Variants in CHRM3 observed in about 807,000 individuals in gnomAD.
The protein encoded by CHRM3 is muscarinic acetylcholine receptor M3.
A neutral mutation model predicts 41.8 loss-of-function variants in CHRM3; 11 were observed. The observed-to-expected ratio is 0.26, with a 90% confidence interval of 0.17 to 0.44. The LOEUF (loss-of-function observed/expected upper bound fraction) is 0.44. CHRM3 is among the 20% of genes least tolerant of loss of function. CHRM3 has a pLI of 1.00. For synonymous variants in CHRM3, 297 were observed against 301.4 expected (o/e 0.99, Z 0.15); for missense variants, 571 against 745.4 (o/e 0.77, Z 2.72).
chr1:239,512,983 T>C (rs536236725), intron 2 of CHRM3, among the ~76,000 whole-genome samples: 1 of 152,286 alleles, frequency 6.6e-6, no homozygotes, highest in South Asian at 2.1e-4. Flanking sequence ...TTGAGAGATA[T>C]ATGTTCTCAT....
chr1:239,457,742 G>T (rs1665060828), intron 1 of CHRM3, among the ~76,000 whole-genome samples: 1 of 152,196 alleles, frequency 6.6e-6, no homozygotes, highest in Admixed American at 6.6e-5. Flanking sequence ...TCAGAATCAA[G>T]AAGTGATACA....
rs182023973 is a variant in CHRM3, at chr1:239,785,707, G to C, written c.-146-41545G>C. Among the ~76,000 whole-genome samples the C allele has an allele frequency of 2.5e-3, 377 of 152,070 alleles. 6 individuals are homozygous for C. Among genetic ancestry groups the C allele is most frequent in the Non-Finnish European group, 1.5e-3 (100 of 68,002 alleles). The stretch of plus-strand genomic sequence containing the variant: ...TTGGACAACTTCTTCTCTATTCACA[G>C]GTATCAGCTGGGATTGACAAGGGTT... On this transcript the variant is annotated intron_variant, in intron 5 of 6. Transcript: ENST00000676153.
intron 4 of CHRM3, among the ~76,000 whole-genome samples, chr1:239,674,257 G>T (rs1245539398): frequency 6.6e-6 from 1 of 152,050 alleles, no homozygotes; most frequent in African/African-American, 2.4e-5. Context: ...TATAGGTATG[G>T]GTCAGACTGG....
At chr1:239,602,982 G>A (rs540625897) in intron 3 of CHRM3, among the ~76,000 whole-genome samples, 10 of 152,188 alleles carry the variant, frequency 6.6e-5, no homozygotes, top group African/African-American at 2.4e-4. Context: ...TGGCAAAACT[G>A]GTACTCTGTA....
chr1:239,843,674 A>G (rs1289071385), intron 6 of CHRM3, among the ~76,000 whole-genome samples: 2 of 152,094 alleles, frequency 1.3e-5, no homozygotes, highest in Non-Finnish European at 2.9e-5. Flanking sequence ...GTTACCAGCT[A>G]AAAAAGACTT....
At chr1:239,673,338 C>G (rs1573233276) in intron 4 of CHRM3, among the ~76,000 whole-genome samples, 1 of 152,306 alleles carries the variant, frequency 6.6e-6, no homozygotes, top group East Asian at 1.9e-4. Flanking sequence ...ATTCTGTCAA[C>G]AAATCTTCCT....
intron 6 of CHRM3, among the ~76,000 whole-genome samples, chr1:239,845,391 A>T (rs1674181332): frequency 1.3e-5 from 2 of 152,294 alleles, no homozygotes; most frequent in African/African-American, 4.8e-5. Flanking sequence ...TTACTTGTCA[A>T]TATTTTTAAA....
intron 6 of CHRM3, among the ~76,000 whole-genome samples, chr1:239,849,370 T>G (rs1053902427): frequency 6.6e-6 from 1 of 152,220 alleles, no homozygotes; most frequent in African/African-American, 2.4e-5. Flanking sequence ...CTACAGACGT[T>G]TCCCATTATA....
intron 6 of CHRM3, among the ~76,000 whole-genome samples, chr1:239,876,377 G>A (rs572294276): frequency 2.0e-5 from 3 of 152,278 alleles, no homozygotes; most frequent in African/African-American, 7.2e-5. Flanking sequence ...TAAGCAAAAG[G>A]GCGGATTGGT....
At chr1:239,631,467 A>T (rs1476299281) in intron 3 of CHRM3, among the ~76,000 whole-genome samples, 1 of 152,186 alleles carries the variant, frequency 6.6e-6, no homozygotes, top group Non-Finnish European at 1.5e-5. Flanking sequence ...ATCACACCTT[A>T]TCAGGAGATC....
intron 6 of CHRM3, among the ~76,000 whole-genome samples, chr1:239,893,483 T>C (rs1382635099): frequency 2.6e-5 from 4 of 152,214 alleles, no homozygotes; most frequent in Non-Finnish European, 4.4e-5. Flanking sequence ...CAGTTAGCCG[T>C]GTGACTTGGG....
intron 6 of CHRM3, among the ~76,000 whole-genome samples, chr1:239,888,417 C>G (rs543924405): frequency 3.1e-4 from 46 of 150,490 alleles, no homozygotes; most frequent in African/African-American, 1.0e-3. Context: ...ATAGCAAGAC[C>G]CTGTCACTCA....
chr1:239,424,067 A>G (rs1488270569), intron 1 of CHRM3, among the ~76,000 whole-genome samples: 1 of 151,902 alleles, frequency 6.6e-6, no homozygotes, highest in Non-Finnish European at 1.5e-5. Context: ...AAAAAAAAAA[A>G]AAAAGAAAAA....
intron 3 of CHRM3, among the ~76,000 whole-genome samples, chr1:239,549,957 G>T (rs535460943): frequency 6.6e-6 from 1 of 151,774 alleles, no homozygotes; most frequent in African/African-American, 2.4e-5. Flanking sequence ...GTGTATTCAA[G>T]TAGGCTGTAT....
chr1:239,618,291 T>TTTG (rs1178512540), intron 3 of CHRM3, among the ~76,000 whole-genome samples: 1 of 142,836 alleles, frequency 7.0e-6, no homozygotes, highest in African/African-American at 2.7e-5. Context: ...TTTTTTTTTT[T>TTTG]TTTTAATGAC....
At chr1:239,768,247 T>C (rs1667378080) in intron 5 of CHRM3, among the ~76,000 whole-genome samples, 1 of 152,198 alleles carries the variant, frequency 6.6e-6, no homozygotes, top group Non-Finnish European at 1.5e-5. Flanking sequence ...TCCTAAAGCA[T>C]ATCTTAGGAT....
chr1:239,518,020 C>T (rs1163460287), intron 2 of CHRM3, among the ~76,000 whole-genome samples: 2 of 151,910 alleles, frequency 1.3e-5, no homozygotes, highest in Non-Finnish European at 2.9e-5. Flanking sequence ...GCAGAAGAAT[C>T]GTTTGAACCT....
intron 4 of CHRM3, among the ~76,000 whole-genome samples, chr1:239,658,402 T>C (rs759010992): frequency 6.6e-6 from 1 of 152,204 alleles, no homozygotes; most frequent in Non-Finnish European, 1.5e-5. Flanking sequence ...CAAGATTGAT[T>C]TGTGATACCT....
rs77652383 is a variant in CHRM3, at chr1:239,912,433, G to A, written c.*3209G>A. On this transcript the variant is annotated 3_prime_UTR_variant, in exon 7 of 7. Coordinates refer to ENST00000676153, the MANE Select transcript of CHRM3 (RefSeq NM_001375978.1). ...GTGTACAATAGTTGTAGACTCTGACGGAATGAAAACAAACAAGAAGCCTAA... is the reference window on the plus strand; with the variant it reads ...GTGTACAATAGTTGTAGACTCTGACAGAATGAAAACAAACAAGAAGCCTAA... 0.022 allele frequency: 3,737 copies of A among 167,142 alleles called. 57 individuals carry two copies. Among genetic ancestry groups the A allele is most frequent in the Non-Finnish European group, 0.034 (2,283 of 68,124 alleles). 10.4% of individuals were successfully genotyped at this position (167,142 alleles called of 1,614,324 possible). A position where few individuals can be genotyped will look rare whatever the true frequency, so the allele number is the denominator to read the frequency against.
Sources: allele counts gnomAD v4.1 joint callset (sites outside exome capture counted in the v4.1 genomes callset), GRCh38; gene constraint gnomAD v4.1.1; transcripts MANE v1.5; gene names NCBI Gene and HGNC (gene_info 2026-07-23, HGNC 2026-07-21).